The following DCC variants were observed in gnomAD, a reference collection of about 807,000 sequenced individuals.
DCC encodes DCC netrin 1 receptor.
Under a neutral mutation model 172.5 loss-of-function variants are expected in DCC, and 58 were observed. That is an observed-to-expected ratio of 0.34 (90% CI 0.27 to 0.42). DCC has a LOEUF of 0.42. Among genes scored for constraint, DCC ranks in the 10% least tolerant of loss-of-function variants. DCC has a pLI of 1.00. For synonymous variants in DCC, 709 were observed against 644.5 expected, an observed-to-expected ratio of 1.10 and a Z score of -1.52; for missense variants, 1,740 against 1,791.0, an observed-to-expected ratio of 0.97 and a Z score of 0.51.
In DCC at chr18:52,795,665, T is replaced by C. The variant is rs2037861186; in HGVS notation, c.412+43291T>C. Among the ~76,000 whole-genome samples the C allele has an allele frequency of 3.3e-5, 5 of 151,986 alleles. No individual in the cohort carries two copies. In the South Asian group the frequency reaches 1.0e-3, roughly 31 times the overall value. ...TTTTGTTCTGTTTTCTTATTTTTTC[T>C]AGTTCCTTAAGGTGCATTGATAGGT... On this transcript the variant is annotated intron_variant, in intron 2 of 28. Transcript: ENST00000442544.
At chr18:53,338,034 GT>G (rs1341814587) in intron 14 of DCC, among the ~76,000 whole-genome samples, 1 of 152,160 alleles carries the variant, frequency 6.6e-6, no homozygotes, top group Non-Finnish European at 1.5e-5. Context: ...CAAGAACTGT[GT>G]TAAGCACTTA....
At chr18:53,357,128 C>A (rs887443786) in intron 15 of DCC, among the ~76,000 whole-genome samples, 29 of 152,130 alleles carry the variant, frequency 1.9e-4, no homozygotes, top group South Asian at 6.2e-4. Context: ...ATTAAACAAT[C>A]ATTTTATGAT....
At chr18:52,913,460 T>A (rs2039998427) in intron 3 of DCC, among the ~76,000 whole-genome samples, 1 of 152,072 alleles carries the variant, frequency 6.6e-6, no homozygotes, top group South Asian at 2.1e-4. Flanking sequence ...TGTCTATCAT[T>A]CTAAAATTAG....
At chr18:52,792,769 TATTCCATTCCATTCC>T (rs58380249) in intron 2 of DCC, among the ~76,000 whole-genome samples, 60 of 134,474 alleles carry the variant, frequency 4.5e-4, no homozygotes, top group Middle Eastern at 3.8e-3. Flanking sequence ...TATTCCATTC[TATTCCATTCCATTCC>T]ATTCCATTCC....
Position 52,514,481 on chromosome 18 carries a change from C to A in DCC, c.91+173603C>A, listed in dbSNP as rs550825741. 2.0e-3 allele frequency among the ~76,000 whole-genome samples: 306 copies of A among 152,294 alleles called. 2 individuals are homozygous for A. The highest frequency in any genetic ancestry group is 7.1e-3 in the African/African-American group (293 of 41,560). ...CAAACAACCAAAAAATGTCTCCAGA[C>A]ATTACCAAATATCCCCTATGGGGAA... On this transcript the variant is annotated intron_variant, in intron 1 of 28. Coordinates refer to ENST00000442544, the MANE Select transcript of DCC (RefSeq NM_005215.4).
At chr18:53,488,576 C>T (rs890210193) in intron 26 of DCC, among the ~76,000 whole-genome samples, 5 of 152,136 alleles carry the variant, frequency 3.3e-5, no homozygotes, top group Non-Finnish European at 5.9e-5. Context: ...TCAATTTACT[C>T]TTTCCGTTTT....
At chr18:53,155,361 A>G (rs903331703) in intron 7 of DCC, among the ~76,000 whole-genome samples, 2 of 152,190 alleles carry the variant, frequency 1.3e-5, no homozygotes, top group African/African-American at 4.8e-5. Flanking sequence ...TATATCCGCA[A>G]ATGGGTACCT....
At chr18:52,842,916 A>AG (rs1367434216) in intron 2 of DCC, among the ~76,000 whole-genome samples, 1 of 150,672 alleles carries the variant, frequency 6.6e-6, no homozygotes, top group Non-Finnish European at 1.5e-5. Flanking sequence ...AGCTGAGATG[A>AG]GAAAAACTTG....
chr18:53,127,551 C>T (rs2144308057), intron 7 of DCC, among the ~76,000 whole-genome samples: 1 of 152,116 alleles, frequency 6.6e-6, no homozygotes, highest in South Asian at 2.1e-4. Flanking sequence ...TATCACCAGT[C>T]CCATTTAAGG....
intron 1 of DCC, among the ~76,000 whole-genome samples, chr18:52,351,309 A>G (rs1224259590): frequency 2.0e-5 from 3 of 152,212 alleles, no homozygotes; most frequent in African/African-American, 4.8e-5. Context: ...CTCCAGTAGT[A>G]GCTACTTGTA....
intron 12 of DCC, among the ~76,000 whole-genome samples, chr18:53,258,301 GT>G (rs2056548874): frequency 6.6e-6 from 1 of 151,978 alleles, no homozygotes; most frequent in Admixed American, 6.6e-5. Flanking sequence ...TAATTGTGAT[GT>G]TAGGGTGTCA....
intron 2 of DCC, among the ~76,000 whole-genome samples, chr18:52,901,803 T>C (rs920567836): frequency 6.6e-6 from 1 of 152,234 alleles, no homozygotes; most frequent in Non-Finnish European, 1.5e-5. Context: ...CAATGTTTTG[T>C]ATCTTTTTTC....
intron 5 of DCC, among the ~76,000 whole-genome samples, chr18:52,985,559 C>G (rs1309653500): frequency 6.6e-6 from 1 of 152,080 alleles, no homozygotes; most frequent in Non-Finnish European, 1.5e-5. Flanking sequence ...GGCCACTTAA[C>G]CGCATAACAA....
intron 12 of DCC, among the ~76,000 whole-genome samples, chr18:53,243,941 A>T (rs944283940): frequency 6.6e-6 from 1 of 152,210 alleles, no homozygotes; most frequent in African/African-American, 2.4e-5. Context: ...ATTTAACTTG[A>T]CAAATGCAAT....
chr18:53,002,176 C>T (rs901161699), intron 5 of DCC, among the ~76,000 whole-genome samples: 2 of 151,982 alleles, frequency 1.3e-5, no homozygotes, highest in Non-Finnish European at 2.9e-5. Context: ...TGTGCTTAAG[C>T]CTTTTGCATT....
At chr18:52,593,229 G>T (rs1032873918) in intron 1 of DCC, among the ~76,000 whole-genome samples, 8 of 152,106 alleles carry the variant, frequency 5.3e-5, no homozygotes, top group Non-Finnish European at 1.2e-4. Flanking sequence ...CCAACTTACA[G>T]GGTTTTTCAG....
intron 1 of DCC, among the ~76,000 whole-genome samples, chr18:52,690,784 T>A (rs925900208): frequency 7.9e-5 from 12 of 152,018 alleles, no homozygotes; most frequent in African/African-American, 2.4e-4. Context: ...CTAGAAGAGG[T>A]CAGAAGGAAG....
intron 1 of DCC, among the ~76,000 whole-genome samples, chr18:52,413,564 A>G (rs1420501454): frequency 2.0e-5 from 3 of 149,200 alleles, no homozygotes; most frequent in East Asian, 3.9e-4. Context: ...ATATAGAGCA[A>G]TTATTTTTAA....
intron 19 of DCC, among the ~76,000 whole-genome samples, chr18:53,408,494 T>C (rs183338650): frequency 6.6e-6 from 1 of 152,306 alleles, no homozygotes; most frequent in East Asian, 1.9e-4. Flanking sequence ...GAGTCGGGTA[T>C]CTGCTAGCAA....
Sources: allele counts gnomAD v4.1 joint callset (sites outside exome capture counted in the v4.1 genomes callset), GRCh38; gene constraint gnomAD v4.1.1; transcripts MANE v1.5; gene names NCBI Gene and HGNC (gene_info 2026-07-23, HGNC 2026-07-21).